Variants in PTPRU observed in about 807,000 individuals in gnomAD.
PTPRU encodes the protein protein tyrosine phosphatase receptor type U, also known as receptor-type tyrosine-protein phosphatase U.
A neutral mutation model predicts 166.3 loss-of-function variants in PTPRU; 69 were observed. The observed-to-expected ratio is 0.41, with a 90% CI of 0.34 to 0.51. PTPRU has a LOEUF of 0.51. PTPRU is among the 20% of genes least tolerant of loss of function. The pLI, the probability that PTPRU is intolerant of heterozygous loss-of-function variation, is 0.09. For missense variants in PTPRU, 1,657 were observed against 2,013.7 expected (o/e 0.82, Z 3.39); for synonymous variants, 793 against 814.0 (o/e 0.97, Z 0.44).
rs1479763844 is a variant in PTPRU, at chr1:29,325,674, C to G, written c.*13C>G. On this transcript the variant is annotated 3_prime_UTR_variant, in exon 30 of 30. Transcript: ENST00000373779. ...GGAGTCAAGATAGCGGGGCCCTGGC[C>G]TGGGGCACCCACTGCACACTCAGGG... 6.3e-7 allele frequency: 1 copy of G among 1,590,646 alleles called. No individual in the cohort carries two copies. Among genetic ancestry groups the G allele is most frequent in the South Asian group, 1.1e-5 (1 of 87,390 alleles).
intron 11 of PTPRU, 37 bp from the exon 12 acceptor site, chr1:29,282,639 C>T (rs773191007): frequency 8.2e-6 from 13 of 1,584,518 alleles, no homozygotes; most frequent in East Asian, 2.3e-5. Context: ...GTCCTCTGGC[C>T]GCCTGTGATC....
intron 22 of PTPRU, among the ~76,000 whole-genome samples, chr1:29,314,339 GTGC>G (rs1365328652): frequency 6.6e-6 from 1 of 152,210 alleles, no homozygotes; most frequent in East Asian, 1.9e-4. Context: ...CAAGGGGGTT[GTGC>G]TAAGTTAAGC....
At chr1:29,319,316 ACTGT>A (rs66777325) in intron 25 of PTPRU, among the ~76,000 whole-genome samples, 11,147 of 151,902 alleles carry the variant, frequency 0.073, 590 homozygotes, top group Non-Finnish European at 0.11. Context: ...TGGAAAGGAG[ACTGT>A]CTGAGGGTCC....
chr1:29,258,989 A>G (rs1409077006), intron 3 of PTPRU, among the ~76,000 whole-genome samples: 1 of 152,166 alleles, frequency 6.6e-6, no homozygotes, highest in Admixed American at 6.5e-5. Context: ...GCCCAGGTCA[A>G]GGGTGAGTTG....
intron 14 of PTPRU, among the ~76,000 whole-genome samples, chr1:29,288,159 G>A (rs1338971203): frequency 1.3e-5 from 2 of 152,176 alleles, no homozygotes; most frequent in African/African-American, 2.4e-5. Context: ...AGCGCATGGA[G>A]GTGAAGTTCT....
intron 14 of PTPRU, among the ~76,000 whole-genome samples, chr1:29,287,033 T>C (rs1686382426): frequency 6.6e-6 from 1 of 151,970 alleles, no homozygotes; most frequent in African/African-American, 2.4e-5. Context: ...CTGGCAGGGA[T>C]GGGGGTGTTC....
At chr1:29,278,937 A>C in intron 8 of PTPRU, 75 bp from the exon 9 acceptor site, 4 of 1,198,274 alleles carry the variant, frequency 3.3e-6, no homozygotes, top group Non-Finnish European at 4.8e-6. Context: ...AGGAAGCGGC[A>C]AGGCTGGAAT....
intron 24 of PTPRU, among the ~76,000 whole-genome samples, chr1:29,316,840 CCCTGGCTCTGGTCACATGCCCAAGG>C (rs1233994309): frequency 2.0e-4 from 30 of 152,162 alleles, no homozygotes; most frequent in Non-Finnish European, 3.7e-4. Flanking sequence ...CACTGATTGC[CCCTGGCTCTGGTCACATGCCCAAGG>C]CCTGGCTCTT....
At chr1:29,325,041 T>C in intron 28 of PTPRU, 150 bp from the exon 29 acceptor site, 1 of 1,090,632 alleles carries the variant, frequency 9.2e-7, no homozygotes, top group Non-Finnish European at 1.3e-6. Context: ...ACTCCGCCCC[T>C]CACCTCTGGG....
chr1:29,279,630 C>T lies in PTPRU; in HGVS notation c.1738C>T (p.Leu580Phe), dbSNP rs1350317572. Residue 580 changes from leucine to phenylalanine, a missense_variant, in exon 10 of 30, where the codon CTC becomes TTC. Physicochemically the swap from Leu to Phe is conservative, Grantham distance 22. Transcript: ENST00000373779. This position sits in a 1 kb window ranked among gnomAD's most constrained non-coding sequence, Gnocchi z 5.2. ...RTGKGFGQAA[L>F]TEITTNISAP... is the part of the protein sequence containing the mutation. Reference sequence around the variant, plus strand: ...AGGCAAAGGCTTCGGCCAGGCGGCACTCACTGAGATAACCACTAACATCTC... The same window carrying T: ...AGGCAAAGGCTTCGGCCAGGCGGCATTCACTGAGATAACCACTAACATCTC... 2.5e-6 allele frequency: 4 copies of T among 1,612,782 alleles called. No homozygotes were observed. Among genetic ancestry groups the T allele is most frequent in the Non-Finnish European group, 3.4e-6 (4 of 1,180,044 alleles).
At chr1:29,250,394 A>G (rs1429387314) in intron 1 of PTPRU, among the ~76,000 whole-genome samples, 1 of 152,218 alleles carries the variant, frequency 6.6e-6, no homozygotes, top group African/African-American at 2.4e-5. Flanking sequence ...GTCTCCTGGA[A>G]TAAAGATAGG....
At chr1:29,307,166 TCTC>T (rs755686891) in intron 18 of PTPRU, 160 of 1,604,514 alleles carry the variant, frequency 1.0e-4, no homozygotes, top group African/African-American at 2.8e-4. Context: ...TCTCTCCCCT[TCTC>T]CTCCTCCTCC....
chr1:29,307,000 G>A (rs1020475094), intron 18 of PTPRU: 15 of 1,049,880 alleles, frequency 1.4e-5, no homozygotes, highest in Middle Eastern at 2.1e-4. Flanking sequence ...CGGCCTGCCC[G>A]TCTCCGCTCT....
chr1:29,318,238 G>C (rs941182464), intron 25 of PTPRU, among the ~76,000 whole-genome samples: 2 of 152,186 alleles, frequency 1.3e-5, no homozygotes, highest in Admixed American at 6.5e-5. Flanking sequence ...GAGGGTTTGG[G>C]GATGGAACTC....
chr1:29,302,684 G>A (rs915074447), intron 15 of PTPRU, among the ~76,000 whole-genome samples: 1 of 151,980 alleles, frequency 6.6e-6, no homozygotes, highest in African/African-American at 2.4e-5. Flanking sequence ...CAAGTAGCTG[G>A]GATTACAGGC....
At chr1:29,303,772 A>G in intron 15 of PTPRU, 83 bp from the exon 16 acceptor site, 1 of 1,384,366 alleles carries the variant, frequency 7.2e-7, no homozygotes, top group Non-Finnish European at 9.9e-7. Context: ...GTGCCTCCCC[A>G]CCCCCATAGA....
At position 29,286,144 on chromosome 1, in the gene PTPRU, T is replaced by C. The variant is rs57936831; in HGVS notation, c.2318+1275T>C. Among the ~76,000 whole-genome samples the C allele has an allele frequency of 1.4e-3, 215 of 152,162 alleles. 1 individual carries two copies. Among genetic ancestry groups the C allele is most frequent in the African/African-American group, 4.2e-3 (176 of 41,498 alleles). On this transcript the variant is annotated intron_variant, in intron 14 of 29. Transcript: ENST00000373779. ...AGACACCAGCAAGAGAGAGAGAGTC[T>C]AGGGGTGGAGTGTGCAGCGGAGTGG...
Position 29,260,133 on chromosome 1 carries a change from C to CGGGGGGGGTGGCG in PTPRU, c.850+90_850+91insGGGGGGGTGGCGG. 47 of 352,272 alleles carry CGGGGGGGGTGGCG rather than the reference C, an allele frequency of 1.3e-4. No homozygotes were observed. The highest frequency in any genetic ancestry group is 9.4e-4 in the Middle Eastern group (1 of 1,062). The allele number at this position is 352,272 out of a possible 1,614,324, so 21.8% of individuals were successfully genotyped here. ...GGCGGGCTCTGCCCGGGGGCGTGGC[C>CGGGGGGGGTGGCG]GTGGGGGGTGGGGCCGGCAGGGTGT... On this transcript the variant is annotated intron_variant, in intron 6 of 29. Coordinates refer to ENST00000373779, the MANE Select transcript of PTPRU (RefSeq NM_133178.4). This position sits in a 1 kb window ranked among gnomAD's most constrained non-coding sequence, Gnocchi z 8.3.
At chr1:29,269,303 C>CA (rs1374635089) in intron 7 of PTPRU, among the ~76,000 whole-genome samples, 1 of 109,578 alleles carries the variant, frequency 9.1e-6, no homozygotes, top group African/African-American at 3.5e-5. Context: ...CTCTGTTGCT[C>CA]AGGCTGATCT....
Sources: allele counts gnomAD v4.1 joint callset (sites outside exome capture counted in the v4.1 genomes callset), GRCh38; gene constraint gnomAD v4.1.1; non-coding constraint Gnocchi (gnomAD v3.1); transcripts MANE v1.5; gene names NCBI Gene and HGNC (gene_info 2026-07-23, HGNC 2026-07-21).